AMPH: variants seen among roughly 807,000 people sequenced by gnomAD.
The protein encoded by AMPH is amphiphysin.
AMPH carries 49 observed loss-of-function variants against 99.1 expected under a neutral mutation model. That is an observed-to-expected ratio of 0.49 (90% CI 0.39 to 0.63). The LOEUF is 0.63. Among genes scored for constraint, AMPH ranks in the 20% least tolerant of loss-of-function variants. AMPH has a pLI of 0.00. For synonymous variants in AMPH, 314 were observed against 317.3 expected, an observed-to-expected ratio of 0.99 and a Z score of 0.11; for missense variants, 759 against 863.4, an observed-to-expected ratio of 0.88 and a Z score of 1.52.
chr7:38,477,547 T>C (rs1379515873), intron 5 of AMPH, among the ~76,000 whole-genome samples: 2 of 152,170 alleles, frequency 1.3e-5, no homozygotes, highest in East Asian at 3.9e-4. Flanking sequence ...ATGGGCAAGC[T>C]CTTTCCCATG....
intron 1 of AMPH, among the ~76,000 whole-genome samples, chr7:38,624,462 G>C (rs1050150800): frequency 6.6e-6 from 1 of 151,438 alleles, no homozygotes; most frequent in African/African-American, 2.4e-5. Flanking sequence ...TGGCACAATC[G>C]CGGCTCACTG....
At chr7:38,489,627 TGAG>T in intron 5 of AMPH, among the ~76,000 whole-genome samples, 1 of 152,234 alleles carries the variant, frequency 6.6e-6, no homozygotes, top group African/African-American at 2.4e-5. Context: ...ACATGTTTGA[TGAG>T]GAGTTAATTT....
chr7:38,519,790 G>A (rs1354697744), intron 2 of AMPH, among the ~76,000 whole-genome samples: 1 of 152,056 alleles, frequency 6.6e-6, no homozygotes, highest in African/African-American at 2.4e-5. Context: ...TATAGTAAAT[G>A]ACAATATAAA....
At chr7:38,447,462 T>C (rs573993651) in intron 11 of AMPH, among the ~76,000 whole-genome samples, 2 of 152,344 alleles carry the variant, frequency 1.3e-5, no homozygotes, top group Admixed American at 1.3e-4. Flanking sequence ...ACATTAACTA[T>C]GCATCCTTTT....
At chr7:38,392,959 C>T (rs1187161132) in intron 18 of AMPH, among the ~76,000 whole-genome samples, 1 of 152,202 alleles carries the variant, frequency 6.6e-6, no homozygotes, top group Non-Finnish European at 1.5e-5. Flanking sequence ...GGATTAGGAC[C>T]ACCCTTTCAT....
At chr7:38,606,013 T>A (rs1165966399) in intron 1 of AMPH, among the ~76,000 whole-genome samples, 1 of 152,148 alleles carries the variant, frequency 6.6e-6, no homozygotes, top group East Asian at 1.9e-4. Flanking sequence ...GCTCGTGTCC[T>A]TACATTACAA....
chr7:38,392,340 G>A (rs1043325401), intron 18 of AMPH, among the ~76,000 whole-genome samples: 1 of 149,884 alleles, frequency 6.7e-6, no homozygotes, highest in African/African-American at 2.5e-5. Context: ...CATCCTGAGA[G>A]GGATTGCAGG....
At chr7:38,557,274 T>C (rs1406498347) in intron 1 of AMPH, among the ~76,000 whole-genome samples, 1 of 152,210 alleles carries the variant, frequency 6.6e-6, no homozygotes, top group Non-Finnish European at 1.5e-5. Context: ...ATGGGTATAG[T>C]AGTTCCTAAC....
Position 38,391,877 on chromosome 7 carries a change from C to T in AMPH, c.1749G>A (p.Glu583=), listed in dbSNP as rs765477614. 6.2e-7 allele frequency: 1 copy of T among 1,612,908 alleles called. No individual in the cohort carries two copies. The highest frequency in any genetic ancestry group is 1.3e-5 in the African/African-American group (1 of 74,976). The change falls in exon 19 of 21, where the codon GAG becomes GAA. Residue 583 remains glutamate (E), a synonymous_variant. Coordinates refer to ENST00000356264, the MANE Select transcript of AMPH (RefSeq NM_001635.4). ...GGATAGGCTTCTGCTCCGTAGCCAG[C>T]TCCGGTGTCTCGCTGGTGGGGCCCG... ...APPGPTSETP[E]LATEQKPIQD... is the part of the protein sequence containing the mutation.
intron 8 of AMPH, 98 bp downstream of exon 8, chr7:38,466,075 G>T: frequency 1.0e-6 from 1 of 958,820 alleles, no homozygotes; most frequent in South Asian, 1.5e-5. Flanking sequence ...ATACAAAAGG[G>T]TGAATTCTTT....
intron 1 of AMPH, among the ~76,000 whole-genome samples, chr7:38,590,998 C>T (rs1391638846): frequency 6.6e-6 from 1 of 152,176 alleles, no homozygotes; most frequent in Non-Finnish European, 1.5e-5. Context: ...AGTTGACATT[C>T]ACCTATTTGC....
chr7:38,524,479 G>A (rs887593684), intron 2 of AMPH, among the ~76,000 whole-genome samples: 9 of 152,150 alleles, frequency 5.9e-5, no homozygotes, highest in African/African-American at 2.2e-4. Flanking sequence ...GGCAAAATTT[G>A]GGGATCTGCA....
At chr7:38,447,505 G>T (rs554656142) in intron 11 of AMPH, among the ~76,000 whole-genome samples, 3 of 152,058 alleles carry the variant, frequency 2.0e-5, no homozygotes, top group Non-Finnish European at 4.4e-5. Flanking sequence ...TCAGGTAAAA[G>T]AGATTTCAAT....
At position 38,570,978 on chromosome 7, in the gene AMPH, TA is replaced by T. The variant is rs1791937459; in HGVS notation, c.70-35968del. 2.1e-4 allele frequency among the ~76,000 whole-genome samples: 10 copies of T among 46,628 alleles called. 1 individual carries two copies. Among genetic ancestry groups the T allele is most frequent in the African/African-American group, 9.1e-4 (8 of 8,794 alleles). 30.6% of individuals were successfully genotyped at this position (46,628 alleles called of 152,430 possible). A position where few individuals can be genotyped will look rare whatever the true frequency, so the allele number is the denominator to read the frequency against. On this transcript the variant is annotated intron_variant, in intron 1 of 20. Coordinates refer to ENST00000356264, the MANE Select transcript of AMPH (RefSeq NM_001635.4). ...ATAGAATATATATATAGAATATATATATATTCAATATATATATATTCATATA... is the reference window on the plus strand; with the variant it reads ...ATAGAATATATATATAGAATATATATTATTCAATATATATATATTCATATA...
intron 11 of AMPH, among the ~76,000 whole-genome samples, chr7:38,451,628 C>T (rs1455572849): frequency 6.6e-6 from 1 of 152,060 alleles, no homozygotes; most frequent in Admixed American, 6.6e-5. Flanking sequence ...TGTTACAGAA[C>T]TTTTCAGAGC....
rs77502227 is a variant in AMPH at position 38,444,823 on chromosome 7, T to C, written c.1018-8435A>G. 5.7e-3 allele frequency among the ~76,000 whole-genome samples: 868 copies of C among 151,896 alleles called. 3 individuals carry two copies. Among genetic ancestry groups the C allele is most frequent in the South Asian group, 0.018 (87 of 4,794 alleles). On this transcript the variant is annotated intron_variant, in intron 11 of 20. Coordinates refer to ENST00000356264, the MANE Select transcript of AMPH (RefSeq NM_001635.4). ...ATATGGAAATTCAAAGGACCTAGAA[T>C]AGCCAAAACAACTCTGAAAAAGAAC... is the stretch of plus-strand genomic sequence containing the variant.
At chr7:38,520,754 C>A (rs1405602726) in intron 2 of AMPH, among the ~76,000 whole-genome samples, 1 of 152,054 alleles carries the variant, frequency 6.6e-6, no homozygotes, top group Non-Finnish European at 1.5e-5. Context: ...GATGGCAGAT[C>A]CGGGAAGGAA....
At chr7:38,585,223 G>T (rs934084742) in intron 1 of AMPH, among the ~76,000 whole-genome samples, 2 of 152,144 alleles carry the variant, frequency 1.3e-5, no homozygotes, top group Middle Eastern at 3.2e-3. Flanking sequence ...AGGATTCTGA[G>T]AATCTACAAG....
chr7:38,590,941 T>C (rs1792833896), intron 1 of AMPH, among the ~76,000 whole-genome samples: 1 of 152,238 alleles, frequency 6.6e-6, no homozygotes, highest in Non-Finnish European at 1.5e-5. Flanking sequence ...TAATTTTATA[T>C]TATAAGCGAT....
Sources: allele counts gnomAD v4.1 joint callset (sites outside exome capture counted in the v4.1 genomes callset), GRCh38; gene constraint gnomAD v4.1.1; transcripts MANE v1.5; gene names NCBI Gene and HGNC (gene_info 2026-07-23, HGNC 2026-07-21).